GAB2: variants seen among roughly 807,000 people sequenced by gnomAD.
GAB2 encodes the protein GRB2 associated binding protein 2.
Under a neutral mutation model 65.5 loss-of-function variants are expected in GAB2, and 26 were observed. The ratio of observed to expected loss-of-function variants is 0.40; its 90% CI spans 0.29 to 0.55. The LOEUF is 0.55. Ranked by LOEUF, GAB2 falls within the 20% of genes least tolerant of loss-of-function variation. The pLI is 0.53. For synonymous variants in GAB2, 321 were observed against 329.6 expected, an observed-to-expected ratio of 0.97 and a Z score of 0.28; for missense variants, 884 against 875.8, an observed-to-expected ratio of 1.01 and a Z score of -0.12.
intron 1 of GAB2, among the ~76,000 whole-genome samples, chr11:78,414,202 T>G (rs574249948): frequency 6.6e-6 from 1 of 152,252 alleles, no homozygotes; most frequent in South Asian, 2.1e-4. Context: ...ATTTCAATTT[T>G]CCTTTGAAGG....
At chr11:78,406,381 ATTT>A (rs56317311) in intron 1 of GAB2, among the ~76,000 whole-genome samples, 1 of 147,748 alleles carries the variant, frequency 6.8e-6, no homozygotes. Flanking sequence ...TCCACGTTTA[ATTT>A]TTTTTTTTTT....
In GAB2 at chr11:78,221,662, G is replaced by T. The variant is rs946953372; in HGVS notation, c.1761+15C>A. ...ACTTGAAAGGCGTCATTCCAGCGAA[G>T]CCCGAAGGACTCACCATAGGGACAT... On this transcript the variant is annotated intron_variant, in intron 8 of 9. Transcript: ENST00000361507. 2.5e-5 allele frequency: 38 copies of T among 1,546,850 alleles called. No individual in the cohort carries two copies. The highest frequency in any genetic ancestry group is 3.1e-5 in the Non-Finnish European group (35 of 1,122,526).
At chr11:78,394,880 G>A (rs535501728) in intron 1 of GAB2, among the ~76,000 whole-genome samples, 64 of 152,270 alleles carry the variant, frequency 4.2e-4, no homozygotes, top group Middle Eastern at 3.4e-3. Context: ...GAGATCATGC[G>A]GTGAGGAAGC....
rs1006282561 is a variant in GAB2, at chr11:78,219,278, C to G, written c.2025G>C (p.Lys675Asn). 6.2e-7 allele frequency: 1 copy of G among 1,613,374 alleles called. No individual in the cohort carries two copies. The highest frequency in any genetic ancestry group is 1.7e-5 in the Admixed American group (1 of 60,022). ...RQSSEPSKGA[K>N]L ...CTCTGCGGTGGCCCTCTCATCACAG[C>G]TTGGCACCCTTGGAAGGCTCTGAGG... The change falls in exon 10 of 10, where the codon AAG (lysine) becomes AAC (asparagine). Residue 675 changes from lysine (K) to asparagine (N), a missense_variant. Transcript: ENST00000361507.
At chr11:78,330,541 T>C (rs1046531516) in intron 1 of GAB2, among the ~76,000 whole-genome samples, 7 of 152,026 alleles carry the variant, frequency 4.6e-5, no homozygotes, top group Non-Finnish European at 2.9e-5. Context: ...GAAGGGCCCG[T>C]AGTGATAGAT....
chr11:78,394,152 G>A (rs2135069065), intron 1 of GAB2, among the ~76,000 whole-genome samples: 1 of 152,286 alleles, frequency 6.6e-6, no homozygotes, highest in East Asian at 1.9e-4. Flanking sequence ...GCTGGGCGTG[G>A]TGGCACGCAT....
chr11:78,317,642 A>AT (rs914053128), intron 1 of GAB2, among the ~76,000 whole-genome samples: 3 of 152,028 alleles, frequency 2.0e-5, no homozygotes, highest in South Asian at 2.1e-4. Context: ...AGAAGAAATA[A>AT]TTTTTTTAAA....
At chr11:78,410,643 G>C (rs1420407925) in intron 1 of GAB2, among the ~76,000 whole-genome samples, 3 of 152,184 alleles carry the variant, frequency 2.0e-5, no homozygotes, top group Non-Finnish European at 2.9e-5. Flanking sequence ...TCACATGTAT[G>C]TAACAACTTA....
intron 1 of GAB2, among the ~76,000 whole-genome samples, chr11:78,357,125 T>C (rs576924502): frequency 7.1e-4 from 108 of 152,192 alleles, no homozygotes; most frequent in Non-Finnish European, 1.2e-3. Context: ...GCCACTGAAT[T>C]GTTCACTTAA....
At chr11:78,364,770 G>A (rs937518938) in intron 1 of GAB2, among the ~76,000 whole-genome samples, 2 of 152,098 alleles carry the variant, frequency 1.3e-5, no homozygotes, top group African/African-American at 4.8e-5. Flanking sequence ...AAACTTTCCT[G>A]AGAAATTTTC....
intron 1 of GAB2, among the ~76,000 whole-genome samples, chr11:78,371,823 G>GA (rs1042607068): frequency 1.3e-5 from 2 of 151,734 alleles, no homozygotes; most frequent in South Asian, 4.2e-4. Context: ...CAGAAAGGTA[G>GA]AAAAAAAATA....
intron 2 of GAB2, among the ~76,000 whole-genome samples, chr11:78,270,896 G>A (rs865807233): frequency 1.3e-5 from 2 of 152,224 alleles, no homozygotes; most frequent in Admixed American, 1.3e-4. Context: ...AAACCTCCAA[G>A]AGGGAAAGTG....
intron 1 of GAB2, among the ~76,000 whole-genome samples, chr11:78,282,469 C>T (rs1270099174): frequency 1.3e-5 from 2 of 152,090 alleles, no homozygotes; most frequent in African/African-American, 2.4e-5. Flanking sequence ...CCACCACACC[C>T]GGCTAATTTT....
intron 3 of GAB2, among the ~76,000 whole-genome samples, chr11:78,240,718 C>T (rs1470949957): frequency 6.6e-6 from 1 of 151,426 alleles, no homozygotes; most frequent in South Asian, 2.1e-4. Flanking sequence ...ATCCTCCTCC[C>T]TGAAACCAAA....
Position 78,370,009 on chromosome 11 carries a change from G to A in GAB2, c.75+47637C>T, listed in dbSNP as rs1047921711. 6.6e-5 allele frequency among the ~76,000 whole-genome samples: 10 copies of A among 152,070 alleles called. No homozygotes were observed. The South Asian group carries it at 1.9e-3, about 28-fold the overall frequency. ...GCGGTGGCTCACGCCTGTAATCCCA[G>A]CACTTTGGGAGGCCGAGGCGGGCGG... On this transcript the variant is annotated intron_variant, in intron 1 of 9. Coordinates refer to ENST00000361507, the MANE Select transcript of GAB2 (RefSeq NM_080491.3).
chr11:78,288,410 A>G (rs1169955086), intron 1 of GAB2, among the ~76,000 whole-genome samples: 1 of 151,354 alleles, frequency 6.6e-6, no homozygotes, highest in Non-Finnish European at 1.5e-5. Flanking sequence ...AAGAAGAAGA[A>G]GAAGAAAGAA....
At chr11:78,397,650 C>G (rs1591087114) in intron 1 of GAB2, among the ~76,000 whole-genome samples, 1 of 152,212 alleles carries the variant, frequency 6.6e-6, no homozygotes, top group Non-Finnish European at 1.5e-5. Flanking sequence ...TCACTGACCA[C>G]ACTAGACCAA....
chr11:78,360,726 C>G (rs1398452781), intron 1 of GAB2, among the ~76,000 whole-genome samples: 2 of 152,078 alleles, frequency 1.3e-5, no homozygotes, highest in East Asian at 1.9e-4. Context: ...GGGGTGGTAG[C>G]ATGTCCCTGT....
At chr11:78,280,931 G>A (rs181467089) in intron 1 of GAB2, 30 bp from the exon 2 acceptor site, 5 of 1,566,436 alleles carry the variant, frequency 3.2e-6, no homozygotes, top group Middle Eastern at 1.7e-4. Flanking sequence ...AGTAAGAAGA[G>A]GGGGAAGAAG....
Sources: gnomAD v4.1 joint callset for allele counts (sites outside exome capture counted in the v4.1 genomes callset) on GRCh38, gnomAD v4.1.1 for gene constraint, MANE v1.5 for transcripts, NCBI Gene and HGNC (gene_info 2026-07-23, HGNC 2026-07-21) for gene names.